The following MTMR10 variants were observed in gnomAD, a reference collection of about 807,000 sequenced individuals.
MTMR10 encodes the protein myotubularin related protein 10, also known as myotubularin-related protein 10.
Under a neutral mutation model 88.1 loss-of-function variants are expected in MTMR10, and 56 were observed. That is an observed-to-expected ratio of 0.64 (90% CI 0.51 to 0.79). The LOEUF (loss-of-function observed/expected upper bound fraction) is 0.79, where lower values mean the gene tolerates loss of function less well. Among genes scored for constraint, MTMR10 ranks in the 30% least tolerant of loss-of-function variants. The probability of loss-of-function intolerance (pLI) is 0.00; values close to 1 mark genes in which losing one functional copy is unlikely to be tolerated. For missense variants in MTMR10, 883 were observed against 924.7 expected (o/e 0.95, Z 0.58); for synonymous variants, 380 against 340.9 (o/e 1.11, Z -1.26).
chr15:30,957,648 G>A lies in MTMR10; in HGVS notation c.935+1215C>T, dbSNP rs537985784. ...TGAGGCATGATAATCACTTGAACCC[G>A]GGAGCCGAGATCGTACCACTGCACT... On this transcript the variant is annotated intron_variant, in intron 9 of 15. Coordinates refer to ENST00000435680, the MANE Select transcript of MTMR10 (RefSeq NM_017762.3). 1.2e-4 allele frequency among the ~76,000 whole-genome samples: 19 copies of A among 152,236 alleles called. No homozygotes were observed. In the South Asian group the frequency reaches 2.1e-3, roughly 17 times the overall value.
chr15:30,937,340 C>T (rs1445294953), downstream of MTMR10: 15 of 1,358,832 alleles, frequency 1.1e-5, no homozygotes, highest in Admixed American at 4.4e-5. Context: ...ATTTTGTTAT[C>T]GTGCATTATA....
intron 14 of MTMR10, among the ~76,000 whole-genome samples, chr15:30,945,328 A>G (rs1034997988): frequency 1.3e-5 from 2 of 152,236 alleles, no homozygotes; most frequent in Admixed American, 1.3e-4. Context: ...GGGAAAGCAG[A>G]GGAAATACTT....
At chr15:30,925,222 T>A in the MTMR10 span, 1 of 1,614,060 alleles carries the variant, frequency 6.2e-7, no homozygotes, top group Non-Finnish European at 8.5e-7. Context: ...TGCGAGAGTC[T>A]CCGAGCTGTA....
chr15:30,991,393 G>A (rs1418645289), intron 1 of MTMR10, 54 bp downstream of exon 1: 7 of 1,411,792 alleles, frequency 5.0e-6, no homozygotes, highest in African/African-American at 3.0e-5. Context: ...TCGGCCTGGA[G>A]GCTCCACGGA....
intron 2 of MTMR10, among the ~76,000 whole-genome samples, chr15:30,980,825 A>G (rs112313889): frequency 2.2e-3 from 342 of 152,364 alleles, no homozygotes; most frequent in African/African-American, 7.8e-3. Flanking sequence ...AAGCTGGAAC[A>G]ATCTGAGCAA....
the MTMR10 span, among the ~76,000 whole-genome samples, chr15:30,933,835 G>A: frequency 1.8e-3 from 270 of 151,706 alleles, 2 homozygotes; most frequent in African/African-American, 6.1e-3. Context: ...ATCCTGGATC[G>A]CTGCAGCCTT....
chr15:30,941,349 A>G lies in MTMR10; in HGVS notation c.*121T>C. 1.3e-6 allele frequency: 2 copies of G among 1,535,832 alleles called. No individual in the cohort carries two copies. The highest frequency in any genetic ancestry group is 8.7e-7 in the Non-Finnish European group (1 of 1,144,690). The stretch of plus-strand genomic sequence containing the variant: ...TCAACATGTTTTTAAATATTAGTGC[A>G]AATTCCAACTATTATTCTTACATAT... On this transcript the variant is annotated 3_prime_UTR_variant, in exon 16 of 16. Coordinates refer to ENST00000435680, the MANE Select transcript of MTMR10 (RefSeq NM_017762.3).
At chr15:30,969,968 A>C (rs2063518179) in intron 5 of MTMR10, among the ~76,000 whole-genome samples, 1 of 152,144 alleles carries the variant, frequency 6.6e-6, no homozygotes, top group African/African-American at 2.4e-5. Flanking sequence ...AGAGGGAGCC[A>C]ATTTCAGAGT....
At chr15:30,922,344 G>T in the MTMR10 span, 4 of 1,610,224 alleles carry the variant, frequency 2.5e-6, no homozygotes, top group Non-Finnish European at 2.5e-6. Flanking sequence ...CACTTGAAGC[G>T]CCTGGAACCG....
At chr15:30,922,150 T>A in the MTMR10 span, 23 of 1,505,014 alleles carry the variant, frequency 1.5e-5, no homozygotes, top group Non-Finnish European at 2.1e-5. Context: ...ATAAATAGGC[T>A]TTACCAATCC....
the MTMR10 span, chr15:30,930,795 AGGGCCTGGGTTCCTGT>A: frequency 1.6e-6 from 2 of 1,242,408 alleles, no homozygotes; most frequent in Non-Finnish European, 2.3e-6. Flanking sequence ...TTTTGGGCCG[AGGGCCTGGGTTCCTGT>A]GGGCCTGTCC....
intron 5 of MTMR10, chr15:30,968,248 T>A: frequency 2.9e-6 from 1 of 339,516 alleles, no homozygotes; most frequent in South Asian, 1.3e-4. Flanking sequence ...TCAGTAAATA[T>A]TTGCTGAGTT....
At chr15:30,925,203 C>G in the MTMR10 span, 2 of 1,614,030 alleles carry the variant, frequency 1.2e-6, no homozygotes, top group Non-Finnish European at 1.7e-6. Flanking sequence ...TATCAGCGAG[C>G]CGTGCGCCTG....
chr15:30,930,718 A>C, the MTMR10 span: 1 of 1,603,814 alleles, frequency 6.2e-7, no homozygotes, highest in Non-Finnish European at 8.5e-7. Context: ...CTTATTAGCA[A>C]CTGAATCAGA....
At chr15:30,968,108 G>A in intron 5 of MTMR10, 98 bp from the exon 6 acceptor site, 1 of 821,696 alleles carries the variant, frequency 1.2e-6, no homozygotes, top group Admixed American at 2.6e-5. Context: ...TCTTGGGGCA[G>A]TGATTATAGA....
chr15:30,951,232 G>A (rs1422256249), intron 12 of MTMR10, among the ~76,000 whole-genome samples: 3 of 152,208 alleles, frequency 2.0e-5, no homozygotes, highest in South Asian at 2.1e-4. Flanking sequence ...TACATTACTA[G>A]CTATTCAGCA....
the MTMR10 span, among the ~76,000 whole-genome samples, chr15:30,929,693 A>T: frequency 9.6e-6 from 1 of 104,264 alleles, no homozygotes; most frequent in Non-Finnish European, 1.8e-5. Context: ...AATATATATA[A>T]AATATATATT....
At chr15:30,977,057 G>C in intron 2 of MTMR10, 102 bp from the exon 3 acceptor site, 1 of 1,126,356 alleles carries the variant, frequency 8.9e-7, no homozygotes. Context: ...GATGAGGATA[G>C]TGAAAACATT....
chr15:30,954,919 C>T (rs1024581617), intron 9 of MTMR10, 26 bp from the exon 10 acceptor site: 3 of 1,515,984 alleles, frequency 2.0e-6, no homozygotes, highest in African/African-American at 1.4e-5. Flanking sequence ...ATACTTTAGT[C>T]ATTACTCATT....
Sources: gnomAD v4.1 joint callset for allele counts (sites outside exome capture counted in the v4.1 genomes callset) on GRCh38, gnomAD v4.1.1 for gene constraint, MANE v1.5 for transcripts, NCBI Gene and HGNC (gene_info 2026-07-23, HGNC 2026-07-21) for gene names.